The following C10orf71 variants were observed in gnomAD, a reference collection of about 807,000 sequenced individuals.
C10orf71 encodes the protein cardiac-enriched FHL2-interacting protein.
For missense variants in C10orf71, 1,869 were observed against 1,804.5 expected (o/e 1.04, Z -0.65); for synonymous variants, 758 against 726.3 (o/e 1.04, Z -0.70).
At chr10:49,310,207 T>C (rs1848886703) in intron 1 of C10orf71, among the ~76,000 whole-genome samples, 1 of 152,230 alleles carries the variant, frequency 6.6e-6, no homozygotes, top group Admixed American at 6.5e-5. Flanking sequence ...GAAGGACTCA[T>C]GTTTACAGGC....
intron 1 of C10orf71, among the ~76,000 whole-genome samples, chr10:49,315,367 T>A (rs1474661780): frequency 6.6e-6 from 1 of 152,226 alleles, no homozygotes; most frequent in Non-Finnish European, 1.5e-5. Flanking sequence ...ATTCTGAATA[T>A]CCTCCTGGGC....
intron 1 of C10orf71, among the ~76,000 whole-genome samples, chr10:49,307,464 T>C (rs1396161199): frequency 6.6e-6 from 1 of 152,228 alleles, no homozygotes; most frequent in African/African-American, 2.4e-5. Context: ...TGATCCTCCA[T>C]AATGCTCCAC....
chr10:49,312,078 A>G (rs1848924489), intron 1 of C10orf71, among the ~76,000 whole-genome samples: 1 of 152,222 alleles, frequency 6.6e-6, no homozygotes, highest in African/African-American at 2.4e-5. Context: ...TCATGGGGAT[A>G]CATGTTCAGA....
At chr10:49,304,385 G>A (rs527271528) in intron 1 of C10orf71, among the ~76,000 whole-genome samples, 44 of 152,180 alleles carry the variant, frequency 2.9e-4, no homozygotes, top group African/African-American at 6.5e-4. Flanking sequence ...TTCCTTTTGC[G>A]TCAGCCCTAC....
Position 49,326,065 on chromosome 10 carries a change from C to T in C10orf71, c.3520C>T (p.Pro1174Ser). ...ERTASKPPAV[P>S]PKTEKALRRA... Reference sequence around the variant, plus strand: ...GACAGCAAGCAAGCCACCTGCAGTCCCACCCAAAACAGAGAAAGCCCTGCG... The same window carrying T: ...GACAGCAAGCAAGCCACCTGCAGTCTCACCCAAAACAGAGAAAGCCCTGCG... The change falls in exon 3 of 3, where the codon CCA (proline) becomes TCA (serine). Residue 1174 changes from proline (P) to serine (S), a missense_variant. Pro to Ser is a moderately conservative substitution (Grantham distance 74). Transcript: ENST00000374144. 1 of 1,551,700 alleles carries T rather than the reference C, an allele frequency of 6.4e-7. No individual in the cohort carries two copies. The highest frequency in any genetic ancestry group is 8.7e-7 in the Non-Finnish European group (1 of 1,146,986).
rs1177494376 is a variant in C10orf71, at chr10:49,323,780, A to G, written c.1235A>G (p.Tyr412Cys). 1.2e-6 allele frequency: 2 copies of G among 1,614,030 alleles called. No individual in the cohort carries two copies. Among genetic ancestry groups the G allele is most frequent in the Admixed American group, 1.7e-5 (1 of 60,034 alleles). The change falls in exon 3 of 3, where the codon TAT becomes TGT. Residue 412 changes from tyrosine (Y) to cysteine (C), a missense_variant. By Grantham distance (194) the Tyr-to-Cys change is radical. Coordinates refer to ENST00000374144, the MANE Select transcript of C10orf71 (RefSeq NM_001135196.2). Reference protein sequence around the residue: ...TQTNQRGPPLYTKHNPQEQFS... With the variant: ...TQTNQRGPPLCTKHNPQEQFS... ...ACCAACCAGAGAGGCCCACCTTTGT[A>G]TACAAAACACAACCCCCAGGAACAG...
intron 1 of C10orf71, among the ~76,000 whole-genome samples, chr10:49,313,407 A>G (rs543421368): frequency 6.6e-6 from 1 of 152,336 alleles, no homozygotes; most frequent in South Asian, 2.1e-4. Flanking sequence ...AAGATGGAGC[A>G]AGGTGTGTTT....
chr10:49,304,711 C>G (rs574571659), intron 1 of C10orf71, among the ~76,000 whole-genome samples: 3 of 152,340 alleles, frequency 2.0e-5, no homozygotes, highest in Admixed American at 2.0e-4. Context: ...GGGGGTTCCC[C>G]TCCCCTTAGT....
At chr10:49,319,682 C>CTATATATATATATATA (rs60174377) in intron 2 of C10orf71, among the ~76,000 whole-genome samples, 1 of 117,792 alleles carries the variant, frequency 8.5e-6, no homozygotes, top group Admixed American at 8.3e-5. Context: ...CACACACAAG[C>CTATATATATATATATA]TATATATATA....
chr10:49,311,443 G>A (rs1357391904), intron 1 of C10orf71, among the ~76,000 whole-genome samples: 3 of 152,226 alleles, frequency 2.0e-5, no homozygotes, highest in Non-Finnish European at 4.4e-5. Flanking sequence ...TTTGCACACT[G>A]CAGTAAACCT....
At chr10:49,302,025 A>G (rs10857463) in intron 1 of C10orf71, among the ~76,000 whole-genome samples, 85,563 of 151,992 alleles carry the variant, frequency 0.56, 24,412 homozygotes, top group East Asian at 0.79. Context: ...GCTGCTGAGG[A>G]GCTGCAAGGA....
At chr10:49,308,166 T>G (rs1421852030) in intron 1 of C10orf71, among the ~76,000 whole-genome samples, 2 of 152,196 alleles carry the variant, frequency 1.3e-5, no homozygotes, top group African/African-American at 4.8e-5. Flanking sequence ...TTCTGTGGGT[T>G]TGACAAGCCC....
At chr10:49,319,004 G>A (rs1384768172) in intron 2 of C10orf71, among the ~76,000 whole-genome samples, 2 of 152,198 alleles carry the variant, frequency 1.3e-5, no homozygotes, top group Admixed American at 1.3e-4. Flanking sequence ...CAAGCAAGGA[G>A]GGGAGAGCAT....
intron 2 of C10orf71, among the ~76,000 whole-genome samples, chr10:49,317,945 G>C (rs1256696128): frequency 6.6e-6 from 1 of 152,218 alleles, no homozygotes; most frequent in African/African-American, 2.4e-5. Flanking sequence ...ACAGGGAGAA[G>C]ACGGGTGTCC....
chr10:49,323,139 G>T lies in C10orf71; in HGVS notation c.594G>T (p.Val198=). The change falls in exon 3 of 3, where the codon GTG becomes GTT. Residue 198 remains valine, a synonymous_variant. Transcript: ENST00000374144. ...CTGCCTTTCTGACAGTCAGGAGGGT[G>T]CCCGCTGAAGTTTCCAACACCCATC... ...FDSAFLTVRR[V]PAEVSNTHQN... 1 of 1,613,978 alleles carries T rather than the reference G, an allele frequency of 6.2e-7. No homozygotes were observed. Among genetic ancestry groups the T allele is most frequent in the South Asian group, 1.1e-5 (1 of 91,076 alleles).
At chr10:49,322,064 C>G (rs536533323) in intron 2 of C10orf71, among the ~76,000 whole-genome samples, 63 of 152,294 alleles carry the variant, frequency 4.1e-4, no homozygotes, top group African/African-American at 1.5e-3. Context: ...TGTGCAGAAG[C>G]TTTTGAATTG....
chr10:49,302,367 C>G (rs1029945699), intron 1 of C10orf71, among the ~76,000 whole-genome samples: 6 of 152,222 alleles, frequency 3.9e-5, no homozygotes, highest in African/African-American at 1.4e-4. Context: ...CAGCCGAAGA[C>G]TGCAGAGGTC....
chr10:49,313,108 G>A (rs1179952526), intron 1 of C10orf71, among the ~76,000 whole-genome samples: 1 of 152,170 alleles, frequency 6.6e-6, no homozygotes, highest in Non-Finnish European at 1.5e-5. Context: ...AAATCACCCA[G>A]TTAAATGCTT....
Position 49,326,998 on chromosome 10 carries a change from A to G in C10orf71, c.*145A>G, listed in dbSNP as rs772793470. 9 of 1,584,296 alleles carry G rather than the reference A, an allele frequency of 5.7e-6. No homozygotes were observed. Among genetic ancestry groups the G allele is most frequent in the Non-Finnish European group, 7.7e-6 (9 of 1,165,856 alleles). ...ACATACTTAGCCTTTTTAGATCCAT[A>G]AAGTCCAGAAGGCAGTAGGGATCCC... On this transcript the variant is annotated 3_prime_UTR_variant, in exon 3 of 3. Transcript: ENST00000374144.
Sources: gnomAD v4.1 joint callset for allele counts (sites outside exome capture counted in the v4.1 genomes callset) on GRCh38, gnomAD v4.1.1 for gene constraint, MANE v1.5 for transcripts, NCBI Gene and HGNC (gene_info 2026-07-23, HGNC 2026-07-21) for gene names.